Variants in LRRC4C observed in about 807,000 individuals in gnomAD.
LRRC4C encodes leucine rich repeat containing 4C.
In LRRC4C, 5 loss-of-function variants were observed where a neutral mutation model predicts 33.6. That is an observed-to-expected ratio of 0.15 (90% CI 0.08 to 0.31). The LOEUF (loss-of-function observed/expected upper bound fraction) is 0.31, where lower values mean the gene tolerates loss of function less well. LRRC4C is among the 10% of genes least tolerant of loss of function. The pLI is 1.00. For missense variants in LRRC4C, 560 were observed against 796.7 expected (o/e 0.70, Z 3.58); for synonymous variants, 329 against 302.0 (o/e 1.09, Z -0.93).
At chr11:40,459,790 A>AG in intron 3 of LRRC4C, among the ~76,000 whole-genome samples, 1 of 152,284 alleles carries the variant, frequency 6.6e-6, no homozygotes, top group South Asian at 2.1e-4. Flanking sequence ...CATCACAATG[A>AG]GGGGTCCTTG....
chr11:40,178,595 C>A (rs1463417209), intron 5 of LRRC4C, among the ~76,000 whole-genome samples: 1 of 152,150 alleles, frequency 6.6e-6, no homozygotes, highest in East Asian at 1.9e-4. Flanking sequence ...CCCCCTATAT[C>A]CACTCTCTCC....
chr11:40,836,036 CTG>C (rs1382764695), intron 2 of LRRC4C, among the ~76,000 whole-genome samples: 2 of 152,242 alleles, frequency 1.3e-5, no homozygotes, highest in African/African-American at 4.8e-5. Flanking sequence ...ATTCCAGTCA[CTG>C]TACGTTCAAA....
intron 3 of LRRC4C, among the ~76,000 whole-genome samples, chr11:40,518,813 T>C (rs921445188): frequency 7.0e-6 from 1 of 143,604 alleles, no homozygotes; most frequent in African/African-American, 2.6e-5. Context: ...ATTGCGGCAC[T>C]ATTCACAATA....
intron 2 of LRRC4C, among the ~76,000 whole-genome samples, chr11:40,780,024 G>A (rs1472293497): frequency 6.6e-6 from 1 of 152,106 alleles, no homozygotes; most frequent in Non-Finnish European, 1.5e-5. Flanking sequence ...CTAGCAGAAT[G>A]GTTCGATTTC....
intron 1 of LRRC4C, among the ~76,000 whole-genome samples, chr11:40,990,697 A>T (rs2137241968): frequency 6.6e-6 from 1 of 152,346 alleles, no homozygotes; most frequent in East Asian, 1.9e-4. Flanking sequence ...ATGGTGCCTT[A>T]GCAGAAATCA....
At chr11:40,957,656 T>C (rs866760856) in intron 1 of LRRC4C, among the ~76,000 whole-genome samples, 75 of 151,878 alleles carry the variant, frequency 4.9e-4, no homozygotes, top group Non-Finnish European at 2.8e-4. Context: ...CTAGAAATTA[T>C]ACAGCATAAG....
At chr11:41,124,608 T>A (rs1361985030) in intron 1 of LRRC4C, among the ~76,000 whole-genome samples, 2 of 152,246 alleles carry the variant, frequency 1.3e-5, no homozygotes, top group Non-Finnish European at 1.5e-5. Flanking sequence ...CTTAATTTTC[T>A]ATCTATAAAC....
chr11:40,260,712 A>G (rs1867640332), intron 4 of LRRC4C, among the ~76,000 whole-genome samples: 3 of 152,160 alleles, frequency 2.0e-5, no homozygotes, highest in African/African-American at 7.2e-5. Flanking sequence ...ATCAGAAAAT[A>G]ACATATGGAT....
intron 3 of LRRC4C, chr11:40,351,668 C>G (rs895539896): frequency 5.9e-5 from 9 of 151,984 alleles, no homozygotes; most frequent in African/African-American, 2.2e-4. Context: ...CTTGACTACT[C>G]TTAACAAAAT....
intron 2 of LRRC4C, among the ~76,000 whole-genome samples, chr11:40,751,465 A>G (rs1334106585): frequency 1.3e-5 from 2 of 152,192 alleles, no homozygotes; most frequent in Non-Finnish European, 1.5e-5. Flanking sequence ...GTAAACACTA[A>G]TAATGAAATA....
chr11:40,501,072 C>G (rs1373382904), intron 3 of LRRC4C, among the ~76,000 whole-genome samples: 1 of 152,108 alleles, frequency 6.6e-6, no homozygotes. Flanking sequence ...CTGGGGCAGT[C>G]AAATCTTAAA....
chr11:40,544,942 A>G (rs1332798905), intron 3 of LRRC4C, among the ~76,000 whole-genome samples: 2 of 151,976 alleles, frequency 1.3e-5, no homozygotes, highest in Admixed American at 6.6e-5. Flanking sequence ...CCCAAACAAC[A>G]TATCTTCCAT....
intron 2 of LRRC4C, among the ~76,000 whole-genome samples, chr11:40,670,302 C>T (rs1944026713): frequency 6.6e-6 from 1 of 152,174 alleles, no homozygotes; most frequent in Non-Finnish European, 1.5e-5. Flanking sequence ...AAATTACTCT[C>T]CCTCTTGGGC....
intron 1 of LRRC4C, among the ~76,000 whole-genome samples, chr11:41,032,730 A>G (rs191053506): frequency 1.3e-5 from 2 of 152,138 alleles, no homozygotes; most frequent in East Asian, 3.9e-4. Flanking sequence ...AAGGGGGAAA[A>G]AAAACACAAG....
At chr11:40,265,794 A>T (rs1170768769) in intron 4 of LRRC4C, among the ~76,000 whole-genome samples, 2 of 152,194 alleles carry the variant, frequency 1.3e-5, no homozygotes, top group African/African-American at 4.8e-5. Flanking sequence ...ATTAAAATCC[A>T]CTCACTAGGA....
chr11:40,154,652 A>G (rs1014365020), intron 5 of LRRC4C, among the ~76,000 whole-genome samples: 6 of 152,186 alleles, frequency 3.9e-5, no homozygotes, highest in African/African-American at 1.2e-4. Context: ...ACAGGAAAAT[A>G]TCACAATCCT....
chr11:40,484,328 G>A (rs1186918866), intron 3 of LRRC4C, among the ~76,000 whole-genome samples: 1 of 151,872 alleles, frequency 6.6e-6, no homozygotes, highest in East Asian at 1.9e-4. Flanking sequence ...CATCAATAGG[G>A]AACATGAAAA....
chr11:41,336,233 T>C (rs912725253), intron 1 of LRRC4C, among the ~76,000 whole-genome samples: 6 of 152,018 alleles, frequency 3.9e-5, no homozygotes, highest in Non-Finnish European at 7.4e-5. Flanking sequence ...CTATGAATTA[T>C]AGACTTTCCT....
intron 2 of LRRC4C, among the ~76,000 whole-genome samples, chr11:40,748,043 T>C (rs1948509676): frequency 6.6e-6 from 1 of 152,128 alleles, no homozygotes; most frequent in Admixed American, 6.5e-5. Flanking sequence ...TAGACACTCA[T>C]TACAGGAGGC....
Sources: gnomAD v4.1 joint callset for allele counts (sites outside exome capture counted in the v4.1 genomes callset) on GRCh38, gnomAD v4.1.1 for gene constraint, MANE v1.5 for transcripts, NCBI Gene and HGNC (gene_info 2026-07-23, HGNC 2026-07-21) for gene names.